The following PLEKHA7 variants were observed in gnomAD, a reference collection of about 807,000 sequenced individuals.
PLEKHA7 encodes the protein pleckstrin homology domain-containing family A member 7.
PLEKHA7 carries 104 observed loss-of-function variants against 170.0 expected under a neutral mutation model. The ratio of observed to expected loss-of-function variants is 0.61; its 90% confidence interval spans 0.52 to 0.72. The LOEUF (loss-of-function observed/expected upper bound fraction) is 0.72. PLEKHA7 is among the 30% of genes least tolerant of loss of function. The pLI is 0.00. For missense variants in PLEKHA7, 1,615 were observed against 1,671.7 expected, an observed-to-expected ratio of 0.97 and a Z score of 0.59; for synonymous variants, 648 against 660.8, an observed-to-expected ratio of 0.98 and a Z score of 0.30.
intron 13 of PLEKHA7, chr11:16,807,209 G>C: frequency 1.0e-6 from 1 of 985,042 alleles, no homozygotes; most frequent in Non-Finnish European, 1.2e-6. Flanking sequence ...TTGATCAAAG[G>C]TTCATTATTT....
At chr11:16,897,166 C>A (rs1857046365) in intron 3 of PLEKHA7, among the ~76,000 whole-genome samples, 1 of 152,026 alleles carries the variant, frequency 6.6e-6, no homozygotes, top group Non-Finnish European at 1.5e-5. Context: ...AAGTCTTTCG[C>A]CCAAGTTAAA....
chr11:16,808,914 G>A (rs1849170096), intron 13 of PLEKHA7, among the ~76,000 whole-genome samples: 2 of 152,202 alleles, frequency 1.3e-5, no homozygotes, highest in South Asian at 4.1e-4. Context: ...GTCAGTTGCT[G>A]CGTACATGTC....
chr11:16,784,800 T>C (rs915849053), intron 24 of PLEKHA7, among the ~76,000 whole-genome samples: 2 of 152,230 alleles, frequency 1.3e-5, no homozygotes, highest in Admixed American at 6.5e-5. Flanking sequence ...CTCTTCTCTG[T>C]TACTCCAATG....
chr11:16,921,667 G>A (rs983539965), intron 3 of PLEKHA7, among the ~76,000 whole-genome samples: 1 of 152,080 alleles, frequency 6.6e-6, no homozygotes, highest in African/African-American at 2.4e-5. Context: ...ATGAAATGTG[G>A]ACAATAATTA....
chr11:16,928,741 C>G (rs549767614), intron 3 of PLEKHA7, among the ~76,000 whole-genome samples: 129 of 152,200 alleles, frequency 8.5e-4, no homozygotes, highest in African/African-American at 2.9e-3. Context: ...AGGCATGAGC[C>G]ACAGCACCTG....
intron 3 of PLEKHA7, among the ~76,000 whole-genome samples, chr11:16,956,406 C>T (rs1209261561): frequency 6.6e-6 from 1 of 152,186 alleles, no homozygotes; most frequent in Admixed American, 6.5e-5. Flanking sequence ...CAAGTTAACA[C>T]CCACTTAGAG....
chr11:16,796,015 C>A (rs1848207985), intron 17 of PLEKHA7, among the ~76,000 whole-genome samples: 1 of 151,904 alleles, frequency 6.6e-6, no homozygotes, highest in Non-Finnish European at 1.5e-5. Flanking sequence ...CCCACCACCA[C>A]ATCTGGCTAA....
chr11:16,806,352 T>C (rs1848986375), intron 13 of PLEKHA7, among the ~76,000 whole-genome samples: 1 of 152,224 alleles, frequency 6.6e-6, no homozygotes, highest in Non-Finnish European at 1.5e-5. Context: ...TTTAAAAGTG[T>C]GTTTGTTATA....
intron 3 of PLEKHA7, among the ~76,000 whole-genome samples, chr11:16,950,567 T>C (rs969100538): frequency 4.0e-5 from 6 of 151,524 alleles, no homozygotes; most frequent in African/African-American, 1.5e-4. Context: ...CTCCTAAGCA[T>C]GGTCCGCAGG....
At chr11:16,981,190 T>C (rs1231993730) in intron 3 of PLEKHA7, among the ~76,000 whole-genome samples, 1 of 152,142 alleles carries the variant, frequency 6.6e-6, no homozygotes, top group Non-Finnish European at 1.5e-5. Flanking sequence ...GACATAAGAT[T>C]AAAATGACAA....
chr11:16,921,129 T>C (rs1859057323), intron 3 of PLEKHA7, among the ~76,000 whole-genome samples: 1 of 152,236 alleles, frequency 6.6e-6, no homozygotes. Context: ...ACATTTTTTT[T>C]CTAACACATT....
intron 9 of PLEKHA7, among the ~76,000 whole-genome samples, chr11:16,838,933 G>A (rs779174060): frequency 5.9e-5 from 9 of 152,038 alleles, no homozygotes; most frequent in Middle Eastern, 3.4e-3. Context: ...TGAGCCACCC[G>A]CCTCGGTCTC....
chr11:17,005,661 C>G lies in PLEKHA7; in HGVS notation c.221+8328G>C, dbSNP rs545820293. ...GCATCTGTCCTATCTCTAAAACACA[C>G]TCCTCTCATGGGTAAAGAGCCTTAA... On this transcript the variant is annotated intron_variant, in intron 3 of 26. Coordinates refer to ENST00000531066, the MANE Select transcript of PLEKHA7 (RefSeq NM_001329630.2). Among the ~76,000 whole-genome samples, 21 of 152,350 alleles carry G rather than the reference C, an allele frequency of 1.4e-4. No individual in the cohort carries two copies. The South Asian group carries it at 4.1e-3, about 30-fold the overall frequency.
At chr11:16,914,558 T>C (rs1281257381) in intron 3 of PLEKHA7, among the ~76,000 whole-genome samples, 1 of 152,200 alleles carries the variant, frequency 6.6e-6, no homozygotes, top group Non-Finnish European at 1.5e-5. Context: ...TCTCATTCTA[T>C]GGCCAGACCT....
Position 16,803,264 on chromosome 11 carries a change from C to T in PLEKHA7, c.2039G>A (p.Ser680Asn). Residue 680 changes from serine to asparagine, a missense_variant, in exon 14 of 27, where the codon AGT becomes AAT. Transcript: ENST00000531066. ...MTGRDLLKDR[S>N]LKPVKIAESD... Reference sequence around the variant, plus strand: ...CTCAGCGATCTTCACAGGCTTCAGACTTCGATCCTTGAGAAGGTCCCGGCC... The same window carrying T: ...CTCAGCGATCTTCACAGGCTTCAGATTTCGATCCTTGAGAAGGTCCCGGCC... 1 of 1,614,048 alleles carries T rather than the reference C, an allele frequency of 6.2e-7. No individual in the cohort carries two copies. Among genetic ancestry groups the T allele is most frequent in the East Asian group, 2.2e-5 (1 of 44,884 alleles).
intron 3 of PLEKHA7, among the ~76,000 whole-genome samples, chr11:16,984,726 G>A (rs56410179): frequency 0.051 from 7,690 of 152,140 alleles, 366 homozygotes; most frequent in East Asian, 0.14. Flanking sequence ...CTGCTAATAC[G>A]TAAGCTCCAT....
intron 3 of PLEKHA7, among the ~76,000 whole-genome samples, chr11:16,952,800 G>C (rs555373927): frequency 1.5e-4 from 23 of 152,310 alleles, no homozygotes; most frequent in Non-Finnish European, 3.1e-4. Flanking sequence ...CCAGGTTACA[G>C]ATTTATCAAC....
chr11:16,865,644 C>T (rs1854330941), intron 4 of PLEKHA7, among the ~76,000 whole-genome samples: 1 of 151,272 alleles, frequency 6.6e-6, no homozygotes, highest in Admixed American at 6.6e-5. Context: ...TTGCAATGAC[C>T]CAAGATCACA....
At chr11:16,864,622 G>C (rs1854238802) in intron 4 of PLEKHA7, among the ~76,000 whole-genome samples, 1 of 152,142 alleles carries the variant, frequency 6.6e-6, no homozygotes, top group South Asian at 2.1e-4. Context: ...CTGTTCTTGT[G>C]ATAGTGAGTA....
Sources: gnomAD v4.1 joint callset for allele counts (sites outside exome capture counted in the v4.1 genomes callset) on GRCh38, gnomAD v4.1.1 for gene constraint, MANE v1.5 for transcripts, NCBI Gene and HGNC (gene_info 2026-07-23, HGNC 2026-07-21) for gene names.